EPM2A: variants seen among roughly 807,000 people sequenced by gnomAD.
EPM2A encodes the protein laforin.
EPM2A carries 21 observed loss-of-function variants against 26.5 expected under a neutral mutation model. The observed-to-expected ratio is 0.79, with a 90% CI of 0.56 to 1.14. The LOEUF (loss-of-function observed/expected upper bound fraction) is 1.14, where lower values mean the gene tolerates loss of function less well. Ranked by LOEUF, EPM2A falls within the 50% of genes most tolerant of loss-of-function variation. The pLI is 0.00. For missense variants in EPM2A, 458 were observed against 440.8 expected, an observed-to-expected ratio of 1.04 and a Z score of -0.35; for synonymous variants, 217 against 177.6, an observed-to-expected ratio of 1.22 and a Z score of -1.76.
intron 2 of EPM2A, among the ~76,000 whole-genome samples, chr6:145,550,064 A>C (rs1336851138): frequency 1.3e-5 from 2 of 152,166 alleles, no homozygotes; most frequent in Non-Finnish European, 2.9e-5. Flanking sequence ...TAGCTTTTGA[A>C]GGAACTCAAG....
At chr6:145,453,055 C>A (rs1267492545) in intron 4 of EPM2A, among the ~76,000 whole-genome samples, 1 of 152,034 alleles carries the variant, frequency 6.6e-6, no homozygotes, top group Non-Finnish European at 1.5e-5. Flanking sequence ...GGACTGTAAT[C>A]CTATATTTAT....
intron 2 of EPM2A, among the ~76,000 whole-genome samples, chr6:145,648,097 A>G (rs1044273956): frequency 6.6e-6 from 1 of 152,170 alleles, no homozygotes; most frequent in East Asian, 1.9e-4. Context: ...TAGATGGTCT[A>G]TTTCTATGCT....
At chr6:145,572,538 G>A (rs930816150) in intron 2 of EPM2A, among the ~76,000 whole-genome samples, 2 of 152,174 alleles carry the variant, frequency 1.3e-5, no homozygotes, top group Admixed American at 1.3e-4. Flanking sequence ...GCATGGTGAC[G>A]TGATGACCCA....
At chr6:145,712,876 T>A in intron 1 of EPM2A, among the ~76,000 whole-genome samples, 1 of 152,138 alleles carries the variant, frequency 6.6e-6, no homozygotes, top group Non-Finnish European at 1.5e-5. Flanking sequence ...TGTTTCCTCA[T>A]CTTAACAAAT....
At chr6:145,473,871 AAGGATTTTATCAATACCAG>A (rs1339744026) in intron 4 of EPM2A, among the ~76,000 whole-genome samples, 1 of 149,450 alleles carries the variant, frequency 6.7e-6, no homozygotes, top group Admixed American at 6.6e-5. Context: ...ACAAAAGCTG[AAGGATTTTATCAATACCAG>A]AGCTGTCCTC....
At chr6:145,617,064 T>C (rs1775529943) in intron 2 of EPM2A, among the ~76,000 whole-genome samples, 1 of 152,098 alleles carries the variant, frequency 6.6e-6, no homozygotes. Flanking sequence ...AGGGGTGGAA[T>C]GATATGGATT....
intron 1 of EPM2A, chr6:145,705,956 T>C (rs1782200933): frequency 2.2e-6 from 1 of 456,752 alleles, no homozygotes; most frequent in Non-Finnish European, 4.4e-6. Flanking sequence ...GATCTCTCTG[T>C]ATATGTGATG....
rs552838098 is a variant in EPM2A, at chr6:145,686,459, C to A, written c.302-163G>T. Among the ~76,000 whole-genome samples, 10 of 152,134 alleles carry A rather than the reference C, an allele frequency of 6.6e-5. No individual in the cohort carries two copies. The South Asian group carries it at 1.2e-3, about 19-fold the overall frequency. On this transcript the variant is annotated intron_variant, in intron 1 of 3. Transcript: ENST00000367519. Reference sequence around the variant, plus strand: ...AAAAAGACTAGAGTGAAAAACAGAACGGTAGGAATTTGTAAAGAGCTACTT... The same window carrying A: ...AAAAAGACTAGAGTGAAAAACAGAAAGGTAGGAATTTGTAAAGAGCTACTT...
chr6:145,435,129 TTTTTA>T (rs1198200285), intron 4 of EPM2A, among the ~76,000 whole-genome samples: 4 of 152,198 alleles, frequency 2.6e-5, no homozygotes, highest in African/African-American at 9.6e-5. Flanking sequence ...ATTAAACTTC[TTTTTA>T]TTTACTTATT....
chr6:145,497,578 T>C (rs1779837620), downstream of EPM2A, among the ~76,000 whole-genome samples: 1 of 47,636 alleles, frequency 2.1e-5, no homozygotes, highest in African/African-American at 6.8e-5. Context: ...AGCTGTGCTG[T>C]GCTGTTGTAT....
intron 1 of EPM2A, among the ~76,000 whole-genome samples, chr6:145,713,421 CAT>C (rs763492425): frequency 2.0e-5 from 3 of 152,156 alleles, no homozygotes; most frequent in Admixed American, 6.5e-5. Flanking sequence ...GATACATACA[CAT>C]ATGTGTGTAC....
chr6:145,660,985 G>A (rs571479767), intron 2 of EPM2A, among the ~76,000 whole-genome samples: 5 of 152,124 alleles, frequency 3.3e-5, no homozygotes, highest in African/African-American at 1.2e-4. Flanking sequence ...ATAAAGAAAA[G>A]GGGAAAGGGC....
chr6:145,442,756 T>C (rs777958060), intron 4 of EPM2A, among the ~76,000 whole-genome samples: 1 of 152,226 alleles, frequency 6.6e-6, no homozygotes, highest in Admixed American at 6.6e-5. Flanking sequence ...GGGCTCTCTA[T>C]TCTGTTCCAT....
At chr6:145,402,844 T>G (rs971341400) in intron 4 of EPM2A, among the ~76,000 whole-genome samples, 2 of 152,170 alleles carry the variant, frequency 1.3e-5, no homozygotes, top group African/African-American at 4.8e-5. Context: ...TAAATCTACT[T>G]TATATCTCTA....
chr6:145,425,914 A>G (rs995787325), intron 4 of EPM2A, among the ~76,000 whole-genome samples: 3 of 152,172 alleles, frequency 2.0e-5, no homozygotes, highest in Non-Finnish European at 4.4e-5. Flanking sequence ...AATGTGATCA[A>G]TCGCATGAGT....
intron 2 of EPM2A, among the ~76,000 whole-genome samples, chr6:145,527,972 A>G (rs1780301992): frequency 4.6e-5 from 7 of 152,142 alleles, no homozygotes; most frequent in Admixed American, 4.6e-4. Flanking sequence ...AACAGTCTTT[A>G]TGGCTTATAT....
At chr6:145,589,272 G>A (rs1332438746) in intron 2 of EPM2A, among the ~76,000 whole-genome samples, 1 of 152,074 alleles carries the variant, frequency 6.6e-6, no homozygotes, top group East Asian at 1.9e-4. Flanking sequence ...CTGTTCATTA[G>A]GAAAGTATGG....
chr6:145,492,545 G>A (rs2114742903), intron 4 of EPM2A, among the ~76,000 whole-genome samples: 1 of 151,944 alleles, frequency 6.6e-6, no homozygotes, highest in Middle Eastern at 3.4e-3. Flanking sequence ...TGGCACCCGA[G>A]CTCTTGTCTG....
chr6:145,508,317 C>A (rs1299750839), intron 2 of EPM2A, among the ~76,000 whole-genome samples: 1 of 152,210 alleles, frequency 6.6e-6, no homozygotes, highest in Non-Finnish European at 1.5e-5. Flanking sequence ...ATTGTTTCTG[C>A]CCATGCTAAG....
Sources: allele counts gnomAD v4.1 joint callset (sites outside exome capture counted in the v4.1 genomes callset), GRCh38; gene constraint gnomAD v4.1.1; transcripts MANE v1.5; gene names NCBI Gene and HGNC (gene_info 2026-07-23, HGNC 2026-07-21).